Variants in ARHGEF28 observed in about 807,000 individuals in gnomAD.
ARHGEF28 encodes 190 kDa guanine nucleotide exchange factor.
ARHGEF28 carries 152 observed loss-of-function variants against 206.6 expected under a neutral mutation model. That is an observed-to-expected ratio of 0.74 (90% CI 0.64 to 0.84). The LOEUF is 0.84. Among genes scored for constraint, ARHGEF28 ranks in the 40% least tolerant of loss-of-function variants. ARHGEF28 has a pLI of 0.00. For synonymous variants in ARHGEF28, 763 were observed against 776.4 expected (o/e 0.98, Z 0.29); for missense variants, 2,028 against 2,073.2 (o/e 0.98, Z 0.42).
chr5:73,809,177 C>G (rs1415126142), intron 9 of ARHGEF28, among the ~76,000 whole-genome samples: 1 of 150,940 alleles, frequency 6.6e-6, no homozygotes, highest in Non-Finnish European at 1.5e-5. Flanking sequence ...TGCACTCCAG[C>G]CTGGGTGATA....
rs2973549 is a variant in ARHGEF28 at position 73,795,301 on chromosome 5, T to A, written c.964-30T>A. On this transcript the variant is annotated intron_variant, in intron 8 of 35. Transcript: ENST00000513042. ...TTAGTGTAGCATATATGTAATTTTT[T>A]AAAAATCCACCTGACTTTATCTCTT... is the stretch of plus-strand genomic sequence containing the variant. 719,825 of 1,594,290 alleles carry A rather than the reference T, an allele frequency of 0.45. 165,659 individuals carry two copies. The highest frequency in any genetic ancestry group is 0.47 in the Non-Finnish European group (553,612 of 1,166,768).
intron 2 of ARHGEF28, among the ~76,000 whole-genome samples, chr5:73,744,040 A>G (rs1751584536): frequency 6.6e-6 from 1 of 152,164 alleles, no homozygotes; most frequent in South Asian, 2.1e-4. Context: ...CAAGGTTCAT[A>G]ATAATACCTC....
chr5:73,799,855 C>A (rs1017922889), intron 9 of ARHGEF28, among the ~76,000 whole-genome samples: 2 of 152,204 alleles, frequency 1.3e-5, no homozygotes, highest in East Asian at 3.9e-4. Flanking sequence ...TGGCATCCTC[C>A]TTTCTGCTTG....
At chr5:73,708,587 A>C (rs888607447) in intron 2 of ARHGEF28, among the ~76,000 whole-genome samples, 1 of 151,974 alleles carries the variant, frequency 6.6e-6, no homozygotes, top group Non-Finnish European at 1.5e-5. Flanking sequence ...TATGTACTAC[A>C]TTTTCTTTAT....
intron 35 of ARHGEF28, among the ~76,000 whole-genome samples, chr5:73,927,605 T>C (rs1763892594): frequency 6.6e-6 from 1 of 152,170 alleles, no homozygotes. Flanking sequence ...GTGATCCCCC[T>C]GCCTCAGCCT....
intron 24 of ARHGEF28, among the ~76,000 whole-genome samples, chr5:73,884,961 CAGA>C (rs951170288): frequency 2.0e-5 from 3 of 151,666 alleles, no homozygotes; most frequent in African/African-American, 7.3e-5. Context: ...CTTTTCCCAT[CAGA>C]AGAAGAAAAT....
intron 24 of ARHGEF28, 134 bp from the exon 25 acceptor site, chr5:73,885,716 A>C: frequency 1.9e-6 from 2 of 1,042,686 alleles, no homozygotes; most frequent in Non-Finnish European, 2.6e-6. Context: ...TTAATCCAAC[A>C]TTTTTCTTAT....
intron 11 of ARHGEF28, among the ~76,000 whole-genome samples, chr5:73,842,119 A>G (rs1758026627): frequency 6.6e-6 from 1 of 152,020 alleles, no homozygotes; most frequent in Non-Finnish European, 1.5e-5. Context: ...TTCTTTTGGG[A>G]ACAGGCCAAT....
At chr5:73,856,483 T>C (rs1759044911) in intron 14 of ARHGEF28, among the ~76,000 whole-genome samples, 1 of 152,168 alleles carries the variant, frequency 6.6e-6, no homozygotes, top group South Asian at 2.1e-4. Flanking sequence ...ATTTTTTTTT[T>C]CTAAATGCAT....
intron 4 of ARHGEF28, among the ~76,000 whole-genome samples, chr5:73,768,841 C>A (rs1198797113): frequency 6.6e-6 from 1 of 152,022 alleles, no homozygotes; most frequent in Non-Finnish European, 1.5e-5. Context: ...TGAATTATAA[C>A]TCCCACAATT....
chr5:73,705,814 G>T (rs1748895844), intron 2 of ARHGEF28, among the ~76,000 whole-genome samples: 1 of 152,166 alleles, frequency 6.6e-6, no homozygotes, highest in African/African-American at 2.4e-5. Context: ...AGACCATGTT[G>T]TCATCTCAAA....
intron 9 of ARHGEF28, 84 bp downstream of exon 9, chr5:73,795,475 A>G (rs1271760253): frequency 8.4e-6 from 10 of 1,187,754 alleles, no homozygotes; most frequent in Non-Finnish European, 1.2e-5. Context: ...AAATTTTAAC[A>G]TAAAATATTC....
rs539388531 is a variant in ARHGEF28 at position 73,846,217 on chromosome 5, G to A, written c.1428-51G>A. The A allele has an allele frequency of 1.3e-4, 195 of 1,543,970 alleles. 2 individuals are homozygous for A. In the East Asian group the frequency reaches 3.7e-3, roughly 29 times the overall value. Reference sequence around the variant, plus strand: ...ATTCAGAGAAGTAGAAACCAATGACGCTCTGTGTCCTTCCTTGCTTCTTTA... The same window carrying A: ...ATTCAGAGAAGTAGAAACCAATGACACTCTGTGTCCTTCCTTGCTTCTTTA... On this transcript the variant is annotated intron_variant, in intron 11 of 35. Coordinates refer to ENST00000513042, the MANE Select transcript of ARHGEF28 (RefSeq NM_001177693.2).
At chr5:73,927,343 T>C (rs976045635) in intron 35 of ARHGEF28, among the ~76,000 whole-genome samples, 1 of 152,282 alleles carries the variant, frequency 6.6e-6, no homozygotes, top group African/African-American at 2.4e-5. Flanking sequence ...TGCACTCCAG[T>C]TTTTGTGACA....
At chr5:73,779,729 T>A (rs1411056325) in intron 6 of ARHGEF28, among the ~76,000 whole-genome samples, 1 of 152,090 alleles carries the variant, frequency 6.6e-6, no homozygotes, top group East Asian at 1.9e-4. Context: ...CATTCCATGG[T>A]GGGCCTTAGA....
intron 9 of ARHGEF28, among the ~76,000 whole-genome samples, chr5:73,830,105 A>G (rs1176768524): frequency 2.0e-5 from 3 of 152,108 alleles, no homozygotes; most frequent in Admixed American, 2.0e-4. Flanking sequence ...TCTGCAGCAA[A>G]ATGTATGACA....
At chr5:73,783,881 A>C (rs1203652300) in intron 7 of ARHGEF28, among the ~76,000 whole-genome samples, 1 of 152,200 alleles carries the variant, frequency 6.6e-6, no homozygotes, top group African/African-American at 2.4e-5. Flanking sequence ...TAAGCACAAG[A>C]ATTTGGACAG....
chr5:73,835,990 C>T (rs975788233), intron 10 of ARHGEF28, among the ~76,000 whole-genome samples: 1 of 152,116 alleles, frequency 6.6e-6, no homozygotes, highest in African/African-American at 2.4e-5. Context: ...GAAAAAAAGA[C>T]TGTTTTTATC....
At chr5:73,634,260 A>G (rs1743555728) in intron 1 of ARHGEF28, among the ~76,000 whole-genome samples, 2 of 152,212 alleles carry the variant, frequency 1.3e-5, no homozygotes, top group Non-Finnish European at 2.9e-5. Context: ...ATCAATTTCA[A>G]GTAGGCTTGT....
Sources: gnomAD v4.1 joint callset for allele counts (sites outside exome capture counted in the v4.1 genomes callset) on GRCh38, gnomAD v4.1.1 for gene constraint, MANE v1.5 for transcripts, NCBI Gene and HGNC (gene_info 2026-07-23, HGNC 2026-07-21) for gene names.